Variants in TMC1 observed in about 807,000 individuals in gnomAD.
TMC1 encodes transmembrane channel-like protein 1.
In TMC1, 84 loss-of-function variants were observed where a neutral mutation model predicts 105.8. The observed-to-expected ratio is 0.79, with a 90% confidence interval of 0.67 to 0.95. The LOEUF (loss-of-function observed/expected upper bound fraction) is 0.95. Among genes scored for constraint, TMC1 ranks in the 40% least tolerant of loss-of-function variants. The probability of loss-of-function intolerance (pLI) is 0.00; values close to 1 mark genes in which losing one functional copy is unlikely to be tolerated. For missense variants in TMC1, 817 were observed against 914.1 expected (o/e 0.89, Z 1.37); for synonymous variants, 315 against 311.5 (o/e 1.01, Z -0.12).
Position 72,836,021 on chromosome 9 carries a change from A to G in TMC1, c.*48A>G, listed in dbSNP as rs749757787. The stretch of plus-strand genomic sequence containing the variant: ...AAGGTACACTTTGCCTTGCTGTTTA[A>G]AAGTAATGCAATATGTGAACGCCCA... On this transcript the variant is annotated 3_prime_UTR_variant, in exon 24 of 24. Coordinates refer to ENST00000297784, the MANE Select transcript of TMC1 (RefSeq NM_138691.3). The G allele has an allele frequency of 6.3e-7, 1 of 1,598,976 alleles. No homozygotes were observed. The highest frequency in any genetic ancestry group is 8.5e-7 in the Non-Finnish European group (1 of 1,171,092).
At position 72,575,530 on chromosome 9, in the gene TMC1, C is replaced by T. The variant is rs1424800419; in HGVS notation, c.-427-2372C>T. 3.3e-5 allele frequency among the ~76,000 whole-genome samples: 5 copies of T among 152,228 alleles called. No individual in the cohort carries two copies. The East Asian group carries it at 5.8e-4, about 18-fold the overall frequency. ...CATGTCGTTAAATTTGCAAATCTCT[C>T]GAATAGGAAAATCAGGAACAATGAC... On this transcript the variant is annotated intron_variant, in intron 1 of 23. Transcript: ENST00000297784.
intron 5 of TMC1, among the ~76,000 whole-genome samples, chr9:72,659,263 A>C (rs1435631751): frequency 6.6e-6 from 1 of 152,196 alleles, no homozygotes; most frequent in Non-Finnish European, 1.5e-5. Flanking sequence ...CCTGCAACTG[A>C]AAATAACAAG....
chr9:72,731,652 C>T (rs1827213713), intron 8 of TMC1, among the ~76,000 whole-genome samples: 1 of 152,182 alleles, frequency 6.6e-6, no homozygotes, highest in Non-Finnish European at 1.5e-5. Context: ...TGGATCCTTA[C>T]TAATAACAGA....
intron 10 of TMC1, among the ~76,000 whole-genome samples, chr9:72,743,149 C>T (rs566313707): frequency 6.6e-6 from 1 of 151,850 alleles, no homozygotes; most frequent in East Asian, 1.9e-4. Context: ...GGGCGGATCA[C>T]GAGGTCAGGA....
chr9:72,569,609 A>G (rs186784284), intron 1 of TMC1, among the ~76,000 whole-genome samples: 26 of 152,348 alleles, frequency 1.7e-4, no homozygotes, highest in African/African-American at 6.3e-4. Flanking sequence ...AGAGGAAGCA[A>G]CAAAGCACAG....
intron 5 of TMC1, among the ~76,000 whole-genome samples, chr9:72,685,892 A>G (rs972804501): frequency 1.3e-5 from 2 of 152,098 alleles, no homozygotes; most frequent in African/African-American, 4.8e-5. Flanking sequence ...ATACCATTCA[A>G]CTCTTCTGGC....
chr9:72,792,836 G>A (rs112572625), intron 17 of TMC1, among the ~76,000 whole-genome samples: 3 of 152,254 alleles, frequency 2.0e-5, no homozygotes, highest in African/African-American at 7.2e-5. Flanking sequence ...AGTAAATATA[G>A]CACCTTCAAC....
At chr9:72,544,254 A>G (rs931082008) in intron 1 of TMC1, among the ~76,000 whole-genome samples, 3 of 151,826 alleles carry the variant, frequency 2.0e-5, no homozygotes, top group Non-Finnish European at 2.9e-5. Context: ...CAGCCACTTC[A>G]ATAGTTTCTT....
chr9:72,603,386 T>TAAACAC (rs1036789455), intron 2 of TMC1, among the ~76,000 whole-genome samples: 1 of 145,228 alleles, frequency 6.9e-6, no homozygotes, highest in Non-Finnish European at 1.5e-5. Flanking sequence ...CTCTCCCCAC[T>TAAACAC]ACACACACAC....
intron 1 of TMC1, among the ~76,000 whole-genome samples, chr9:72,575,239 T>TG (rs1239954106): frequency 6.6e-6 from 1 of 152,090 alleles, no homozygotes; most frequent in Admixed American, 6.6e-5. Context: ...TGGAGTGCAA[T>TG]GCGTGATCTC....
intron 1 of TMC1, among the ~76,000 whole-genome samples, chr9:72,560,439 C>T (rs1347372009): frequency 6.6e-6 from 1 of 152,166 alleles, no homozygotes; most frequent in African/African-American, 2.4e-5. Context: ...TCCACCTGAA[C>T]TTTGCCATAA....
intron 2 of TMC1, among the ~76,000 whole-genome samples, chr9:72,581,429 C>T (rs1465228179): frequency 6.6e-6 from 1 of 152,172 alleles, no homozygotes; most frequent in Non-Finnish European, 1.5e-5. Flanking sequence ...TATATCCTAA[C>T]TGGAATTGCA....
At chr9:72,825,816 T>C (rs1416037176) in intron 20 of TMC1, among the ~76,000 whole-genome samples, 1 of 152,098 alleles carries the variant, frequency 6.6e-6, no homozygotes, top group African/African-American at 2.4e-5. Context: ...TTATGTATCA[T>C]AAGTCTTGAA....
chr9:72,788,910 C>T (rs1453388044), intron 14 of TMC1, among the ~76,000 whole-genome samples: 3 of 151,844 alleles, frequency 2.0e-5, no homozygotes, highest in Non-Finnish European at 4.4e-5. Context: ...AGAGCAATCA[C>T]AGTTTGTTTG....
intron 17 of TMC1, among the ~76,000 whole-genome samples, chr9:72,802,740 AC>A (rs1312644304): frequency 2.6e-5 from 4 of 152,220 alleles, no homozygotes; most frequent in African/African-American, 9.6e-5. Flanking sequence ...GAGGACACAA[AC>A]ATATGTGAAA....
At chr9:72,832,697 T>C (rs1392286486) in intron 23 of TMC1, among the ~76,000 whole-genome samples, 1 of 151,888 alleles carries the variant, frequency 6.6e-6, no homozygotes, top group African/African-American at 2.4e-5. Context: ...CTTTTCCCTC[T>C]CTCTATCTAG....
intron 1 of TMC1, among the ~76,000 whole-genome samples, chr9:72,525,726 G>A (rs1219980890): frequency 2.0e-5 from 3 of 152,216 alleles, no homozygotes; most frequent in South Asian, 2.1e-4. Context: ...GGTGGCTCAC[G>A]CCTGTAATCC....
chr9:72,768,406 G>A (rs1032815552), intron 12 of TMC1, among the ~76,000 whole-genome samples: 3 of 152,062 alleles, frequency 2.0e-5, no homozygotes, highest in Non-Finnish European at 4.4e-5. Flanking sequence ...AACCACCATG[G>A]CATATGTATA....
intron 1 of TMC1, among the ~76,000 whole-genome samples, chr9:72,534,839 A>C (rs1160427586): frequency 2.0e-5 from 3 of 152,270 alleles, no homozygotes; most frequent in Non-Finnish European, 4.4e-5. Flanking sequence ...TAAGAAGTCC[A>C]AAACCCAATA....
Sources: gnomAD v4.1 joint callset for allele counts (sites outside exome capture counted in the v4.1 genomes callset) on GRCh38, gnomAD v4.1.1 for gene constraint, MANE v1.5 for transcripts, NCBI Gene and HGNC (gene_info 2026-07-23, HGNC 2026-07-21) for gene names.